Variants in SHB observed in about 807,000 individuals in gnomAD.
The protein encoded by SHB is SH2 domain-containing adapter protein B.
SHB carries 20 observed loss-of-function variants against 52.3 expected under a neutral mutation model. The ratio of observed to expected loss-of-function variants is 0.38; its 90% CI spans 0.27 to 0.56. SHB has a LOEUF of 0.56. Ranked by LOEUF, SHB falls within the 20% of genes least tolerant of loss-of-function variation. SHB has a pLI of 0.71. For synonymous variants in SHB, 397 were observed against 316.5 expected, an observed-to-expected ratio of 1.25 and a Z score of -2.70; for missense variants, 825 against 723.3, an observed-to-expected ratio of 1.14 and a Z score of -1.61.
chr9:38,062,387 A>G (rs879640011), intron 1 of SHB, among the ~76,000 whole-genome samples: 1 of 152,090 alleles, frequency 6.6e-6, no homozygotes, highest in Non-Finnish European at 1.5e-5. Context: ...TTGCCATGGG[A>G]CACTGCAGCT....
At chr9:37,966,130 C>A (rs148340620) in intron 3 of SHB, among the ~76,000 whole-genome samples, 1 of 152,154 alleles carries the variant, frequency 6.6e-6, no homozygotes, top group Admixed American at 6.5e-5. Flanking sequence ...TAAGCCACTG[C>A]GTCTGGCCTG....
rs117149829 is a variant in SHB at position 38,068,182 on chromosome 9, G to C, written c.464C>G (p.Ser155Cys). The C allele has an allele frequency of 2.1e-5, 30 of 1,414,664 alleles. No individual in the cohort carries two copies. The highest frequency in any genetic ancestry group is 2.5e-5 in the Non-Finnish European group (27 of 1,097,718). 87.6% of individuals were successfully genotyped at this position (1,414,664 alleles called of 1,614,324 possible). A position where few individuals can be genotyped will look rare whatever the true frequency, so the allele number is the denominator to read the frequency against. ...GCGGTAGAGATGCGGAGAGCCGGAG[G>C]ACGAGGACGAGGACGCGGCGGCCCC... ...GAGAAASSSS[S>C]SGSPHLYRSS... Residue 155 changes from serine to cysteine, a missense_variant, in exon 1 of 6, where the codon TCC becomes TGC. Coordinates refer to ENST00000377707, the MANE Select transcript of SHB (RefSeq NM_003028.3).
At chr9:37,926,138 G>A (rs1447195499) in intron 5 of SHB, among the ~76,000 whole-genome samples, 1 of 152,100 alleles carries the variant, frequency 6.6e-6, no homozygotes, top group Non-Finnish European at 1.5e-5. Flanking sequence ...GGTGACCATG[G>A]CAAGGTACCT....
chr9:37,993,736 G>A (rs967840000), intron 2 of SHB, among the ~76,000 whole-genome samples: 6 of 151,996 alleles, frequency 3.9e-5, no homozygotes, highest in African/African-American at 9.7e-5. Context: ...GGACTTCACC[G>A]TTGAGAAATA....
At chr9:38,012,871 A>T (rs1821158495) in intron 2 of SHB, among the ~76,000 whole-genome samples, 1 of 149,730 alleles carries the variant, frequency 6.7e-6, no homozygotes, top group South Asian at 2.2e-4. Context: ...AAAAGGTTAA[A>T]CTTTTTCCAT....
At chr9:38,066,184 T>A (rs555270382) in intron 1 of SHB, among the ~76,000 whole-genome samples, 118 of 152,266 alleles carry the variant, frequency 7.7e-4, no homozygotes, top group African/African-American at 2.7e-3. Flanking sequence ...ATAAAACAAA[T>A]CATTCCTTAG....
intron 5 of SHB, among the ~76,000 whole-genome samples, chr9:37,936,206 ACT>A (rs1421726277): frequency 1.3e-5 from 2 of 152,304 alleles, no homozygotes; most frequent in East Asian, 1.9e-4. Context: ...ACAGAGCGGG[ACT>A]CTGTCTCAAA....
chr9:38,033,489 G>C (rs1375193449), intron 1 of SHB, among the ~76,000 whole-genome samples: 6 of 152,174 alleles, frequency 3.9e-5, no homozygotes, highest in African/African-American at 7.2e-5. Flanking sequence ...TTCGAGACCA[G>C]CCTGGACAAT....
At chr9:37,932,020 G>A (rs1564081608) in intron 5 of SHB, among the ~76,000 whole-genome samples, 3 of 152,208 alleles carry the variant, frequency 2.0e-5, no homozygotes, top group Admixed American at 6.5e-5. Flanking sequence ...GGTGGCTCAC[G>A]TCTGTAGTCC....
intron 1 of SHB, among the ~76,000 whole-genome samples, chr9:38,049,296 C>A (rs960306784): frequency 6.6e-6 from 1 of 152,058 alleles, no homozygotes; most frequent in East Asian, 1.9e-4. Context: ...GGTGTGAGAG[C>A]CCAGCCAATA....
chr9:38,022,752 C>T (rs895284868), intron 1 of SHB, among the ~76,000 whole-genome samples: 1 of 152,142 alleles, frequency 6.6e-6, no homozygotes, highest in Admixed American at 6.5e-5. Context: ...ATGATGAGGC[C>T]GCTCAGAGAA....
chr9:38,001,720 T>TAGGGTTAGTTCCA (rs2118041793), intron 2 of SHB, among the ~76,000 whole-genome samples: 1 of 152,338 alleles, frequency 6.6e-6, no homozygotes, highest in South Asian at 2.1e-4. Context: ...CACAGAGGGT[T>TAGGGTTAGTTCCA]AGGGTTAGTT....
rs188685492 is a variant in SHB, at chr9:38,065,744, G to A, written c.717+2185C>T. 1.4e-4 allele frequency among the ~76,000 whole-genome samples: 22 copies of A among 152,222 alleles called. No homozygotes were observed. In the East Asian group the frequency reaches 4.1e-3, roughly 28 times the overall value. On this transcript the variant is annotated intron_variant, in intron 1 of 5. Coordinates refer to ENST00000377707, the MANE Select transcript of SHB (RefSeq NM_003028.3). ...AACCATATCTGATCACAACACTCTC[G>A]CAGCTAAATCCCTTCACAGGCCCCC...
chr9:38,012,045 G>GC (rs1374944956), intron 2 of SHB, among the ~76,000 whole-genome samples: 4 of 152,144 alleles, frequency 2.6e-5, no homozygotes, highest in Non-Finnish European at 5.9e-5. Flanking sequence ...ATAAGCTGAG[G>GC]CATTTAGAGG....
At chr9:37,937,074 T>C (rs1381271399) in intron 5 of SHB, among the ~76,000 whole-genome samples, 4 of 152,226 alleles carry the variant, frequency 2.6e-5, no homozygotes, top group Non-Finnish European at 4.4e-5. Context: ...ACTTACTTTC[T>C]TTCTCCCTCG....
At chr9:38,043,889 C>CA (rs56809865) in intron 1 of SHB, among the ~76,000 whole-genome samples, 16,461 of 129,548 alleles carry the variant, frequency 0.13, 1,809 homozygotes, top group African/African-American at 0.3. Context: ...AACTCCGTCT[C>CA]AAAAAAAAAA....
intron 2 of SHB, among the ~76,000 whole-genome samples, chr9:37,986,733 A>T (rs1820811459): frequency 6.6e-6 from 1 of 152,224 alleles, no homozygotes; most frequent in Non-Finnish European, 1.5e-5. Flanking sequence ...GGGCTGGGCT[A>T]GCACGGGTGG....
At chr9:37,947,520 G>A (rs924083438) in intron 5 of SHB, among the ~76,000 whole-genome samples, 2 of 152,212 alleles carry the variant, frequency 1.3e-5, no homozygotes, top group Non-Finnish European at 2.9e-5. Context: ...TCTTCTCTAG[G>A]TGGACTCCCA....
At chr9:38,033,873 C>G (rs1821449327) in intron 1 of SHB, among the ~76,000 whole-genome samples, 1 of 152,278 alleles carries the variant, frequency 6.6e-6, no homozygotes, top group Middle Eastern at 3.4e-3. Flanking sequence ...CCCAGCACCA[C>G]CTCCTGGATT....
Sources: gnomAD v4.1 joint callset for allele counts (sites outside exome capture counted in the v4.1 genomes callset) on GRCh38, gnomAD v4.1.1 for gene constraint, MANE v1.5 for transcripts, NCBI Gene and HGNC (gene_info 2026-07-23, HGNC 2026-07-21) for gene names.